The following TRIO variants were observed in gnomAD, a reference collection of about 807,000 sequenced individuals.
TRIO encodes trio Rho guanine nucleotide exchange factor.
A neutral mutation model predicts 351.9 loss-of-function variants in TRIO; 58 were observed. That is an observed-to-expected ratio of 0.16 (90% CI 0.13 to 0.21). TRIO has a LOEUF of 0.21. Among genes scored for constraint, TRIO ranks in the 10% least tolerant of loss-of-function variants. The pLI is 1.00. For synonymous variants in TRIO, 1,758 were observed against 1,595.7 expected (o/e 1.10, Z -2.42); for missense variants, 3,201 against 4,027.8 (o/e 0.79, Z 5.56).
At chr5:14,218,411 AT>A (rs749848208) in intron 1 of TRIO, among the ~76,000 whole-genome samples, 9 of 152,228 alleles carry the variant, frequency 5.9e-5, no homozygotes, top group Non-Finnish European at 1.3e-4. Context: ...ATGTCATTTA[AT>A]TTGAAAAATT....
intron 34 of TRIO, among the ~76,000 whole-genome samples, chr5:14,446,547 T>C (rs909382864): frequency 1.3e-5 from 2 of 152,190 alleles, no homozygotes; most frequent in Admixed American, 1.3e-4. Flanking sequence ...AGTTCAGGTC[T>C]TGGTGTTGCA....
intron 1 of TRIO, among the ~76,000 whole-genome samples, chr5:14,157,569 C>G (rs1449316389): frequency 6.6e-6 from 1 of 151,850 alleles, no homozygotes; most frequent in Non-Finnish European, 1.5e-5. Context: ...CCCTGTCTCT[C>G]TCTCTCTCTC....
chr5:14,225,164 C>T (rs1369257990), intron 1 of TRIO, among the ~76,000 whole-genome samples: 1 of 152,080 alleles, frequency 6.6e-6, no homozygotes, highest in Non-Finnish European at 1.5e-5. Flanking sequence ...GGCTGTAACA[C>T]GCTGATCAGA....
At chr5:14,222,406 G>C (rs1792698555) in intron 1 of TRIO, among the ~76,000 whole-genome samples, 2 of 152,182 alleles carry the variant, frequency 1.3e-5, no homozygotes, top group South Asian at 4.1e-4. Flanking sequence ...ACAAAAGTTT[G>C]AAACCCAGTA....
chr5:14,237,215 A>G (rs1793829666), intron 1 of TRIO, among the ~76,000 whole-genome samples: 1 of 152,256 alleles, frequency 6.6e-6, no homozygotes, highest in Non-Finnish European at 1.5e-5. Context: ...CCTGTTGAGT[A>G]TCCCAGATCT....
chr5:14,443,655 T>C (rs10052638), intron 34 of TRIO, among the ~76,000 whole-genome samples: 17 of 152,238 alleles, frequency 1.1e-4, no homozygotes, highest in South Asian at 2.1e-4. Context: ...CTGAAGTTCA[T>C]TGGGGCATCC....
rs561446940 is a variant in TRIO at position 14,391,658 on chromosome 5, A to C, written c.4218+668A>C. On this transcript the variant is annotated intron_variant, in intron 27 of 56. Transcript: ENST00000344204. ...AACTTGGTCAAATATGTGCCAATAC[A>C]TTTTGATTGAAGGATAAGGTGCTAT... is the stretch of plus-strand genomic sequence containing the variant. 4.6e-5 allele frequency among the ~76,000 whole-genome samples: 7 copies of C among 152,342 alleles called. No individual in the cohort carries two copies. The East Asian group carries it at 9.6e-4, about 21-fold the overall frequency.
chr5:14,287,781 TA>T (rs1736572821), intron 4 of TRIO, among the ~76,000 whole-genome samples: 1 of 152,226 alleles, frequency 6.6e-6, no homozygotes, highest in African/African-American at 2.4e-5. Flanking sequence ...CCATTTGGAA[TA>T]AGATTTTAAT....
chr5:14,425,469 G>A (rs1350680133), intron 34 of TRIO, among the ~76,000 whole-genome samples: 1 of 152,178 alleles, frequency 6.6e-6, no homozygotes, highest in African/African-American at 2.4e-5. Context: ...TGGGCACTTG[G>A]GTTGCTTCTG....
chr5:14,263,008 C>T (rs1193547476), intron 1 of TRIO, among the ~76,000 whole-genome samples: 1 of 152,302 alleles, frequency 6.6e-6, no homozygotes, highest in Non-Finnish European at 1.5e-5. Context: ...TGTTTGTCTA[C>T]ATCTATTGAT....
intron 8 of TRIO, among the ~76,000 whole-genome samples, chr5:14,305,299 T>A (rs552372152): frequency 6.6e-6 from 1 of 152,346 alleles, no homozygotes; most frequent in East Asian, 1.9e-4. Context: ...AGCTGCTTGA[T>A]GATGCAACTT....
intron 1 of TRIO, among the ~76,000 whole-genome samples, chr5:14,206,836 C>T (rs1018683375): frequency 6.6e-6 from 1 of 152,144 alleles, no homozygotes; most frequent in East Asian, 1.9e-4. Flanking sequence ...TCCAGTTAGG[C>T]TTTTCTCTTT....
chr5:14,167,696 G>A (rs1247467576), intron 1 of TRIO, among the ~76,000 whole-genome samples: 2 of 152,062 alleles, frequency 1.3e-5, no homozygotes, highest in Non-Finnish European at 2.9e-5. Context: ...ACTAAGATCC[G>A]GGGATAGGTG....
rs927082703 is a variant in TRIO at position 14,492,908 on chromosome 5, G to A, written c.7880+94G>A. ...ACGACCTCAGACGGGGTAAGCATGT[G>A]GAAGGGAGATCTGCGCTGGTATGTT... On this transcript the variant is annotated intron_variant, in intron 49 of 56. Transcript: ENST00000344204. 13 of 1,537,566 alleles carry A rather than the reference G, an allele frequency of 8.5e-6. No individual in the cohort carries two copies. The East Asian group carries it at 2.3e-4, about 27-fold the overall frequency.
At chr5:14,468,680 C>T (rs1354317752) in intron 37 of TRIO, among the ~76,000 whole-genome samples, 1 of 152,220 alleles carries the variant, frequency 6.6e-6, no homozygotes, top group Admixed American at 6.5e-5. Flanking sequence ...GCAGTAGATC[C>T]TTAAGCATCC....
rs550601390 is a variant in TRIO at position 14,244,754 on chromosome 5, C to A, written c.158-26071C>A. Among the ~76,000 whole-genome samples the A allele has an allele frequency of 1.1e-3, 168 of 152,328 alleles. 1 individual carries two copies. The highest frequency in any genetic ancestry group is 1.8e-3 in the Non-Finnish European group (120 of 68,026). On this transcript the variant is annotated intron_variant, in intron 1 of 56. Coordinates refer to ENST00000344204, the MANE Select transcript of TRIO (RefSeq NM_007118.4). ...TGGGAACTCCACGTTCCACTCCTTGCCGTCAGCCTGGATTGCAGCGGGTCC... is the reference window on the plus strand; with the variant it reads ...TGGGAACTCCACGTTCCACTCCTTGACGTCAGCCTGGATTGCAGCGGGTCC...
rs151328279 is a variant in TRIO at position 14,313,485 on chromosome 5, A to C, written c.1501-3028A>C. 7.2e-5 allele frequency among the ~76,000 whole-genome samples: 11 copies of C among 152,314 alleles called. No homozygotes were observed. In the East Asian group the frequency reaches 1.5e-3, roughly 21 times the overall value. On this transcript the variant is annotated intron_variant, in intron 8 of 56. Coordinates refer to ENST00000344204, the MANE Select transcript of TRIO (RefSeq NM_007118.4). ...GAATATTAATGGTGTCACAGGGATG[A>C]GTTTTGGAAACTTGCTGAGGGCTGG...
intron 9 of TRIO, among the ~76,000 whole-genome samples, chr5:14,320,282 T>C (rs1739762694): frequency 6.6e-6 from 1 of 152,220 alleles, no homozygotes; most frequent in Non-Finnish European, 1.5e-5. Context: ...CATTTTTGCT[T>C]TACCTGTTCA....
chr5:14,447,243 T>C (rs1579680628), intron 34 of TRIO, among the ~76,000 whole-genome samples: 1 of 152,154 alleles, frequency 6.6e-6, no homozygotes, highest in East Asian at 1.9e-4. Context: ...AATAAATAAA[T>C]AAAGAGAAAT....
Sources: allele counts gnomAD v4.1 joint callset (sites outside exome capture counted in the v4.1 genomes callset), GRCh38; gene constraint gnomAD v4.1.1; transcripts MANE v1.5; gene names NCBI Gene and HGNC (gene_info 2026-07-23, HGNC 2026-07-21).